PLS1: variants seen among roughly 807,000 people sequenced by gnomAD.
PLS1 encodes the protein plastin 1.
Under a neutral mutation model 73.7 loss-of-function variants are expected in PLS1, and 32 were observed. The ratio of observed to expected loss-of-function variants is 0.43; its 90% confidence interval spans 0.33 to 0.58. The LOEUF is 0.58. PLS1 is among the 20% of genes least tolerant of loss of function. The pLI is 0.04. For synonymous variants in PLS1, 217 were observed against 261.3 expected (o/e 0.83, Z 1.63); for missense variants, 633 against 740.5 (o/e 0.85, Z 1.68).
intron 1 of PLS1, chr3:142,656,701 C>T (rs2037245020): frequency 6.6e-6 from 1 of 151,814 alleles, no homozygotes; most frequent in Admixed American, 6.6e-5. Flanking sequence ...TGTTTTTTTT[C>T]ACATAGTGAT....
At chr3:142,688,725 T>C (rs1473104087) in intron 9 of PLS1, among the ~76,000 whole-genome samples, 5 of 152,368 alleles carry the variant, frequency 3.3e-5, no homozygotes, top group East Asian at 3.9e-4. Context: ...GTACTTCTTT[T>C]TGGCCTTGTA....
At chr3:142,685,595 G>A (rs908056566) in intron 8 of PLS1, among the ~76,000 whole-genome samples, 3 of 152,152 alleles carry the variant, frequency 2.0e-5, no homozygotes, top group African/African-American at 7.2e-5. Flanking sequence ...TCTACATGGT[G>A]AGCTCAGGCT....
At chr3:142,653,252 C>T (rs141429277) in intron 1 of PLS1, among the ~76,000 whole-genome samples, 19 of 152,258 alleles carry the variant, frequency 1.2e-4, no homozygotes, top group South Asian at 8.3e-4. Context: ...TTCTTTTAAA[C>T]GCATGCACGT....
Position 142,631,822 on chromosome 3 carries a change from G to A in PLS1, c.-36-32380G>A, listed in dbSNP as rs80288073. On this transcript the variant is annotated intron_variant, in intron 1 of 15. Coordinates refer to ENST00000457734, the MANE Select transcript of PLS1 (RefSeq NM_001145319.2). ...CACTGAATTTGGCAATGATTTCTTG[G>A]ATATGGCATCAAAAACACAAGCAAC... 7.4e-3 allele frequency among the ~76,000 whole-genome samples: 1,119 copies of A among 152,100 alleles called. 23 individuals are homozygous for A. Among genetic ancestry groups the A allele is most frequent in the East Asian group, 0.035 (181 of 5,160 alleles).
intron 1 of PLS1, among the ~76,000 whole-genome samples, chr3:142,658,293 T>C (rs530253596): frequency 7.5e-4 from 114 of 152,130 alleles, no homozygotes; most frequent in African/African-American, 2.6e-3. Context: ...GCCAACATGG[T>C]GAAACCCTGT....
chr3:142,616,893 C>T (rs765246181), intron 1 of PLS1, among the ~76,000 whole-genome samples: 5 of 152,158 alleles, frequency 3.3e-5, no homozygotes, highest in Admixed American at 6.6e-5. Flanking sequence ...TGAGCCACCG[C>T]ACCCGGCCAG....
At chr3:142,621,675 G>C (rs1305330252) in intron 1 of PLS1, among the ~76,000 whole-genome samples, 1 of 152,134 alleles carries the variant, frequency 6.6e-6, no homozygotes, top group African/African-American at 2.4e-5. Flanking sequence ...GTGCTTGAGA[G>C]CAATTTAGAT....
chr3:142,659,132 A>G (rs1296995178), intron 1 of PLS1, among the ~76,000 whole-genome samples: 3 of 152,190 alleles, frequency 2.0e-5, no homozygotes, highest in Non-Finnish European at 4.4e-5. Context: ...AAAGCCCTCA[A>G]TAAATATTTG....
chr3:142,654,686 C>G (rs1470716890), intron 1 of PLS1: 1 of 152,186 alleles, frequency 6.6e-6, no homozygotes, highest in African/African-American at 2.4e-5. Flanking sequence ...TTAGAAGAAA[C>G]ACCATGTATA....
At chr3:142,612,134 A>G (rs1168404704) in intron 1 of PLS1, among the ~76,000 whole-genome samples, 10 of 152,246 alleles carry the variant, frequency 6.6e-5, no homozygotes, top group Admixed American at 6.5e-4. Context: ...AAACAAGTAC[A>G]TCATTGAAAG....
intron 1 of PLS1, among the ~76,000 whole-genome samples, chr3:142,603,934 GCTT>G (rs1560026024): frequency 1.3e-5 from 2 of 152,038 alleles, no homozygotes; most frequent in African/African-American, 4.8e-5. Flanking sequence ...TGTCTGAGGG[GCTT>G]CTTCATGATA....
intron 10 of PLS1, among the ~76,000 whole-genome samples, chr3:142,694,001 G>A (rs2038140627): frequency 6.6e-6 from 1 of 151,944 alleles, no homozygotes; most frequent in Non-Finnish European, 1.5e-5. Flanking sequence ...AGGTCTGTGT[G>A]CTGAGAAACT....
chr3:142,598,621 G>T (rs2035854401), intron 1 of PLS1, among the ~76,000 whole-genome samples: 1 of 152,214 alleles, frequency 6.6e-6, no homozygotes, highest in Admixed American at 6.5e-5. Flanking sequence ...AAGACTAAAT[G>T]CAGAGAAGGA....
intron 6 of PLS1, among the ~76,000 whole-genome samples, chr3:142,682,267 T>C (rs1479701787): frequency 1.3e-5 from 2 of 152,174 alleles, no homozygotes; most frequent in South Asian, 4.1e-4. Flanking sequence ...GATGTTTTAT[T>C]TGAAGAGTTA....
intron 1 of PLS1, among the ~76,000 whole-genome samples, chr3:142,661,823 C>T (rs1440916929): frequency 1.3e-5 from 2 of 152,278 alleles, no homozygotes; most frequent in East Asian, 3.9e-4. Context: ...TAGCTTTACA[C>T]TGAATAGAAA....
chr3:142,711,358 G>A lies in PLS1; in HGVS notation c.1630-143G>A, dbSNP rs1167289870. On this transcript the variant is annotated intron_variant, in intron 14 of 15. Transcript: ENST00000457734. The stretch of plus-strand genomic sequence containing the variant: ...TATATTTTAAAGGGTTTATTTATGT[G>A]TGCTGGTTGCAGAAAAGCTGAACGT... The A allele has an allele frequency of 2.6e-5, 14 of 536,254 alleles. No homozygotes were observed. The East Asian group carries it at 4.0e-4, about 15-fold the overall frequency. The allele number at this position is 536,254 out of a possible 1,614,324, so 33.2% of individuals were successfully genotyped here.
chr3:142,633,612 C>T (rs572883712), intron 1 of PLS1, among the ~76,000 whole-genome samples: 48 of 152,152 alleles, frequency 3.2e-4, no homozygotes, highest in Non-Finnish European at 5.4e-4. Context: ...GCTGAGATTG[C>T]GCCATTGCAC....
intron 9 of PLS1, among the ~76,000 whole-genome samples, chr3:142,689,239 CA>C (rs763589011): frequency 9.9e-5 from 15 of 152,030 alleles, no homozygotes; most frequent in Non-Finnish European, 1.8e-4. Context: ...GCCTGGCCAA[CA>C]TGGCAAAACC....
chr3:142,680,357 G>A lies in PLS1; in HGVS notation c.579+2244G>A, dbSNP rs369035007. On this transcript the variant is annotated intron_variant, in intron 6 of 15. Transcript: ENST00000457734. Reference sequence around the variant, plus strand: ...TGGAATTATAGGCATGAGCCACCATGCCTGGCCAAAACTGGATTTTTATTA... The same window carrying A: ...TGGAATTATAGGCATGAGCCACCATACCTGGCCAAAACTGGATTTTTATTA... 1.4e-4 allele frequency among the ~76,000 whole-genome samples: 21 copies of A among 152,256 alleles called. No individual in the cohort carries two copies. In the East Asian group the frequency reaches 1.7e-3, roughly 13 times the overall value.
Sources: gnomAD v4.1 joint callset for allele counts (sites outside exome capture counted in the v4.1 genomes callset) on GRCh38, gnomAD v4.1.1 for gene constraint, MANE v1.5 for transcripts, NCBI Gene and HGNC (gene_info 2026-07-23, HGNC 2026-07-21) for gene names.